Variants in DLG2 observed in about 807,000 individuals in gnomAD.
DLG2 encodes discs large MAGUK scaffold protein 2.
In DLG2, 45 loss-of-function variants were observed where a neutral mutation model predicts 132.5. That is an observed-to-expected ratio of 0.34 (90% CI 0.27 to 0.44). DLG2 has a LOEUF of 0.44. Among genes scored for constraint, DLG2 ranks in the 20% least tolerant of loss-of-function variants. The probability of loss-of-function intolerance (pLI) is 1.00; values close to 1 mark genes in which losing one functional copy is unlikely to be tolerated. For missense variants in DLG2, 1,045 were observed against 1,196.9 expected (o/e 0.87, Z 1.87); for synonymous variants, 424 against 419.6 (o/e 1.01, Z -0.13).
chr11:85,614,330 T>A (rs78057368), intron 2 of DLG2, among the ~76,000 whole-genome samples: 21,215 of 136,602 alleles, frequency 0.16, 1,725 homozygotes, highest in South Asian at 0.28. Context: ...TTTTTTTTTT[T>A]TTAAAAATTA....
rs984557541 is a variant in DLG2, at chr11:84,581,975, T to C, written c.358-47244A>G. On this transcript the variant is annotated intron_variant, in intron 6 of 27. Transcript: ENST00000376104. The stretch of plus-strand genomic sequence containing the variant: ...GAAAACTGTTTTAAAAATATCAACA[T>C]TGATTTAGTGTTCATATTCACAAAT... Among the ~76,000 whole-genome samples, 3 of 148,840 alleles carry C rather than the reference T, an allele frequency of 2.0e-5. No homozygotes were observed. The East Asian group carries it at 5.9e-4, about 29-fold the overall frequency.
At chr11:83,923,289 A>G (rs979280240) in intron 15 of DLG2, among the ~76,000 whole-genome samples, 2 of 152,146 alleles carry the variant, frequency 1.3e-5, no homozygotes, top group Admixed American at 6.6e-5. Context: ...CATTTGCTCA[A>G]TTTCCCTTGA....
chr11:84,307,644 C>A (rs761215278), intron 7 of DLG2, among the ~76,000 whole-genome samples: 12 of 144,216 alleles, frequency 8.3e-5, no homozygotes, highest in Middle Eastern at 3.4e-3. Context: ...TGCAGTGAGC[C>A]GAGATCGCGC....
chr11:85,094,419 T>A (rs971393114), intron 6 of DLG2, among the ~76,000 whole-genome samples: 1 of 152,220 alleles, frequency 6.6e-6, no homozygotes, highest in Non-Finnish European at 1.5e-5. Context: ...CTTCTTTCAT[T>A]AGAAGACTTT....
rs981894710 is a variant in DLG2, at chr11:85,546,431, A to G, written c.40+52226T>C. On this transcript the variant is annotated intron_variant, in intron 3 of 27. Coordinates refer to ENST00000376104, the MANE Select transcript of DLG2 (RefSeq NM_001142699.3). ...TTCCAATTATGTGGCCAATTTTAGA[A>G]TAAGTGTGATGTGGTGCTGAGAAGA... is the stretch of plus-strand genomic sequence containing the variant. 2.6e-5 allele frequency among the ~76,000 whole-genome samples: 4 copies of G among 152,146 alleles called. No homozygotes were observed. The South Asian group carries it at 6.2e-4, about 24-fold the overall frequency.
intron 4 of DLG2, among the ~76,000 whole-genome samples, chr11:85,214,184 G>T (rs983945571): frequency 6.6e-6 from 1 of 151,976 alleles, no homozygotes; most frequent in Non-Finnish European, 1.5e-5. Flanking sequence ...CAGTCTCTAC[G>T]GTCTACCCTC....
chr11:84,176,788 AG>A (rs1467356434), intron 8 of DLG2, among the ~76,000 whole-genome samples: 4 of 152,068 alleles, frequency 2.6e-5, no homozygotes, highest in Non-Finnish European at 4.4e-5. Context: ...ATTCTGTCAC[AG>A]GGTCAACTGG....
At chr11:83,721,468 C>T (rs948489189) in intron 18 of DLG2, among the ~76,000 whole-genome samples, 1 of 152,216 alleles carries the variant, frequency 6.6e-6, no homozygotes, top group African/African-American at 2.4e-5. Context: ...TGCGCATCAT[C>T]ATCAGTGACT....
At chr11:83,667,951 G>A (rs1221512228) in intron 18 of DLG2, among the ~76,000 whole-genome samples, 1 of 136,276 alleles carries the variant, frequency 7.3e-6, no homozygotes, top group Non-Finnish European at 1.5e-5. Flanking sequence ...AGTCCAGCCC[G>A]GGCGACAGAG....
chr11:84,820,347 C>T (rs899979985), intron 6 of DLG2, among the ~76,000 whole-genome samples: 3 of 151,872 alleles, frequency 2.0e-5, no homozygotes, highest in African/African-American at 7.3e-5. Context: ...AGCCTCATAA[C>T]CAGTATCCCT....
At chr11:85,148,079 T>G (rs2076980320) in intron 5 of DLG2, among the ~76,000 whole-genome samples, 1 of 152,170 alleles carries the variant, frequency 6.6e-6, no homozygotes, top group Non-Finnish European at 1.5e-5. Flanking sequence ...CAAAAGACAT[T>G]ATCTCATTCC....
At chr11:83,925,730 C>A (rs935760000) in intron 15 of DLG2, among the ~76,000 whole-genome samples, 1 of 151,982 alleles carries the variant, frequency 6.6e-6, no homozygotes, top group Non-Finnish European at 1.5e-5. Flanking sequence ...CCTCTGTTAT[C>A]AACTGCAAAA....
chr11:84,370,199 C>T (rs79117829), intron 7 of DLG2, among the ~76,000 whole-genome samples: 7,093 of 152,112 alleles, frequency 0.047, 587 homozygotes, highest in African/African-American at 0.16. Context: ...GAATATATAA[C>T]CGTTTCACAG....
At chr11:85,293,833 T>C (rs1162928781) in intron 3 of DLG2, among the ~76,000 whole-genome samples, 1 of 152,156 alleles carries the variant, frequency 6.6e-6, no homozygotes, top group Non-Finnish European at 1.5e-5. Context: ...AACTGCACTA[T>C]TTATATAAGA....
At chr11:83,471,512 G>A (rs2092021256) in intron 24 of DLG2, 114 bp downstream of exon 24, 3 of 716,400 alleles carry the variant, frequency 4.2e-6, no homozygotes, top group Non-Finnish European at 7.1e-6. Flanking sequence ...ATCGGAAATG[G>A]TTGGTATTTG....
chr11:85,320,013 T>C (rs1169424048), intron 3 of DLG2, among the ~76,000 whole-genome samples: 1 of 151,870 alleles, frequency 6.6e-6, no homozygotes, highest in Non-Finnish European at 1.5e-5. Flanking sequence ...ATAACTGAGA[T>C]GAAGGTAGAA....
chr11:83,517,419 C>T (rs913024478), intron 21 of DLG2, among the ~76,000 whole-genome samples: 2 of 152,104 alleles, frequency 1.3e-5, no homozygotes, highest in Non-Finnish European at 2.9e-5. Flanking sequence ...GCTAGCCATT[C>T]GTCTAATCTT....
intron 7 of DLG2, among the ~76,000 whole-genome samples, chr11:84,375,545 G>A (rs935858200): frequency 4.0e-5 from 6 of 151,848 alleles, no homozygotes; most frequent in African/African-American, 1.5e-4. Context: ...TAAAAATCAG[G>A]GTTTTTAAAA....
intron 7 of DLG2, among the ~76,000 whole-genome samples, chr11:84,440,958 T>TATTATTC: frequency 6.6e-6 from 1 of 152,124 alleles, no homozygotes; most frequent in Non-Finnish European, 1.5e-5. Flanking sequence ...GGAATTAATA[T>TATTATTC]CTGGTGGCCT....
Sources: gnomAD v4.1 joint callset for allele counts (sites outside exome capture counted in the v4.1 genomes callset) on GRCh38, gnomAD v4.1.1 for gene constraint, MANE v1.5 for transcripts, NCBI Gene and HGNC (gene_info 2026-07-23, HGNC 2026-07-21) for gene names.